RIMS2: variants seen among roughly 807,000 people sequenced by gnomAD.
RIMS2 encodes the protein regulating synaptic membrane exocytosis 2, also known as regulating synaptic membrane exocytosis protein 2.
RIMS2 carries 59 observed loss-of-function variants against 174.4 expected under a neutral mutation model. The observed-to-expected ratio is 0.34, with a 90% CI of 0.27 to 0.42. The LOEUF is 0.42. RIMS2 is among the 10% of genes least tolerant of loss of function. RIMS2 has a pLI of 1.00. For synonymous variants in RIMS2, 606 were observed against 572.5 expected (o/e 1.06, Z -0.84); for missense variants, 1,620 against 1,666.3 (o/e 0.97, Z 0.48).
intron 1 of RIMS2, among the ~76,000 whole-genome samples, chr8:103,527,554 C>A (rs559009465): frequency 1.1e-4 from 16 of 152,048 alleles, no homozygotes; most frequent in Middle Eastern, 6.8e-3. Context: ...CCCCTCCCCA[C>A]AACAGGCCCT....
At chr8:104,096,193 G>A (rs1044118590) in intron 19 of RIMS2, among the ~76,000 whole-genome samples, 3 of 152,050 alleles carry the variant, frequency 2.0e-5, no homozygotes, top group African/African-American at 4.8e-5. Flanking sequence ...TCTTCCAGGA[G>A]CAAAGAAAAG....
chr8:103,759,639 G>A (rs757031111), intron 2 of RIMS2, among the ~76,000 whole-genome samples: 8 of 151,316 alleles, frequency 5.3e-5, no homozygotes, highest in Non-Finnish European at 1.2e-4. Flanking sequence ...TTCCAGAACT[G>A]TCCTTTGTTC....
At chr8:103,557,672 G>A (rs972895882) in intron 1 of RIMS2, among the ~76,000 whole-genome samples, 1 of 152,088 alleles carries the variant, frequency 6.6e-6, no homozygotes, top group African/African-American at 2.4e-5. Context: ...AGTAATGACT[G>A]TAACAATCTT....
chr8:103,779,386 A>G lies in RIMS2; in HGVS notation c.698+12849A>G, dbSNP rs544755200. ...GTAATTTCACAGTTTTGGGTCTTCAATATAAGTTTTTAATCCATCTTGATT... is the reference window on the plus strand; with the variant it reads ...GTAATTTCACAGTTTTGGGTCTTCAGTATAAGTTTTTAATCCATCTTGATT... On this transcript the variant is annotated intron_variant, in intron 3 of 23. Coordinates refer to ENST00000504942, the Ensembl canonical transcript of RIMS2. Among the ~76,000 whole-genome samples the G allele has an allele frequency of 3.5e-4, 54 of 152,184 alleles. No individual in the cohort carries two copies. In the South Asian group the frequency reaches 0.011, roughly 31 times the overall value.
intron 3 of RIMS2, among the ~76,000 whole-genome samples, chr8:103,816,100 A>G (rs982072626): frequency 1.3e-5 from 2 of 152,210 alleles, no homozygotes; most frequent in Non-Finnish European, 2.9e-5. Flanking sequence ...AACACACGTT[A>G]TCTATAAACA....
chr8:103,676,187 C>T (rs780473579), intron 1 of RIMS2, among the ~76,000 whole-genome samples: 13 of 151,930 alleles, frequency 8.6e-5, no homozygotes, highest in Admixed American at 2.6e-4. Flanking sequence ...TTTCATACAC[C>T]CTTACAAATG....
At position 104,251,030 on chromosome 8, in the gene RIMS2, A is replaced by G. The variant is rs768965593; in HGVS notation, c.3698A>G (p.Tyr1233Cys). The stretch of plus-strand genomic sequence containing the variant: ...CTGTGTTTTCTTTCCCAAGCACCGT[A>G]TGTAAAAGTGTATCTATTAGATAAC... Residue 1233 changes from tyrosine to cysteine, a missense_variant, in exon 23 of 24, where the codon TAT becomes TGT. This residue lies in a region of RIMS2 where 225 missense variants were observed against 306.2 expected (regional missense o/e 0.73). Transcript: ENST00000504942. The G allele has an allele frequency of 8.1e-6, 13 of 1,612,916 alleles. No homozygotes were observed. The Admixed American group carries it at 2.0e-4, about 25-fold the overall frequency.
intron 1 of RIMS2, among the ~76,000 whole-genome samples, chr8:103,536,466 C>T (rs1418146840): frequency 6.6e-6 from 1 of 151,992 alleles, no homozygotes. Flanking sequence ...AAAGGAATAC[C>T]TGAGACTAGG....
At chr8:103,880,556 A>T (rs1355427706) in intron 3 of RIMS2, 2 of 414,926 alleles carry the variant, frequency 4.8e-6, no homozygotes, top group Non-Finnish European at 8.6e-6. Flanking sequence ...CTTTCAAATC[A>T]TCTGATTAAG....
At chr8:103,659,175 G>A (rs532864395) in intron 1 of RIMS2, among the ~76,000 whole-genome samples, 2 of 152,316 alleles carry the variant, frequency 1.3e-5, no homozygotes, top group South Asian at 4.1e-4. Flanking sequence ...GGTCAAAGAA[G>A]TTGATATGGA....
At chr8:103,683,177 A>C (rs1310465030) in intron 1 of RIMS2, among the ~76,000 whole-genome samples, 2 of 152,218 alleles carry the variant, frequency 1.3e-5, no homozygotes, top group African/African-American at 4.8e-5. Context: ...AAGTTTATTT[A>C]GCTCATGTTT....
chr8:103,612,541 G>T (rs1238540756), intron 1 of RIMS2, among the ~76,000 whole-genome samples: 1 of 152,138 alleles, frequency 6.6e-6, no homozygotes, highest in Admixed American at 6.5e-5. Flanking sequence ...ACATCTGGAA[G>T]AATTCTCTGG....
chr8:104,117,622 A>C (rs547009218), intron 19 of RIMS2, among the ~76,000 whole-genome samples: 1 of 152,296 alleles, frequency 6.6e-6, no homozygotes, highest in East Asian at 1.9e-4. Flanking sequence ...GATTACAGGC[A>C]TGACCTACCA....
rs891791546 is a variant in RIMS2, at chr8:103,517,466, A to G, written c.176+16404A>G. 1.8e-4 allele frequency among the ~76,000 whole-genome samples: 28 copies of G among 151,436 alleles called. 1 individual carries two copies. The highest frequency in any genetic ancestry group is 5.6e-4 in the African/African-American group (23 of 40,728). On this transcript the variant is annotated intron_variant, in intron 1 of 23. Coordinates refer to ENST00000504942, the Ensembl canonical transcript of RIMS2. Reference sequence around the variant, plus strand: ...GAGAGTCAGTTACAAAGGGCATCATATGCAGGACTGATATTCAATTGACCT... The same window carrying G: ...GAGAGTCAGTTACAAAGGGCATCATGTGCAGGACTGATATTCAATTGACCT...
chr8:104,027,665 G>C (rs1046047700), intron 19 of RIMS2, among the ~76,000 whole-genome samples: 5 of 152,162 alleles, frequency 3.3e-5, no homozygotes, highest in African/African-American at 1.2e-4. Flanking sequence ...CTTGCCCCAA[G>C]TTAGTTCATC....
At chr8:104,000,740 A>G (rs1264416059) in intron 17 of RIMS2, among the ~76,000 whole-genome samples, 1 of 151,710 alleles carries the variant, frequency 6.6e-6, no homozygotes, top group Admixed American at 6.6e-5. Context: ...GAATTTTTTT[A>G]TAATAGGCAT....
chr8:104,153,755 G>C (rs746351870), intron 19 of RIMS2, among the ~76,000 whole-genome samples: 2 of 152,052 alleles, frequency 1.3e-5, no homozygotes, highest in Non-Finnish European at 2.9e-5. Context: ...GGAAGAAGAA[G>C]AAAATTCATC....
chr8:103,583,612 C>G (rs1038893815), intron 1 of RIMS2, among the ~76,000 whole-genome samples: 9 of 152,072 alleles, frequency 5.9e-5, no homozygotes, highest in Non-Finnish European at 8.8e-5. Flanking sequence ...TAAAAAGAAT[C>G]AAGACTCTGA....
chr8:103,543,386 T>C (rs1423316954), intron 1 of RIMS2, among the ~76,000 whole-genome samples: 1 of 152,188 alleles, frequency 6.6e-6, no homozygotes, highest in Non-Finnish European at 1.5e-5. Context: ...TGGATAGATA[T>C]ATCGTTAATG....
Sources: gnomAD v4.1 joint callset for allele counts (sites outside exome capture counted in the v4.1 genomes callset) on GRCh38, gnomAD v4.1.1 for gene constraint, gnomAD v4.1.1 regional missense constraint, MANE v1.5 for transcripts, NCBI Gene and HGNC (gene_info 2026-07-23, HGNC 2026-07-21) for gene names.